The following PCDHA2 variants were observed in gnomAD, a reference collection of about 807,000 sequenced individuals.
PCDHA2 encodes protocadherin alpha 2, also known as protocadherin alpha-2.
Under a neutral mutation model 66.0 loss-of-function variants are expected in PCDHA2, and 58 were observed. That is an observed-to-expected ratio of 0.88 (90% CI 0.71 to 1.09). The LOEUF is 1.09. Among genes scored for constraint, PCDHA2 ranks in the 50% least tolerant of loss-of-function variants. The probability of loss-of-function intolerance (pLI) is 0.00; values close to 1 mark genes in which losing one functional copy is unlikely to be tolerated. For synonymous variants in PCDHA2, 634 were observed against 554.0 expected (o/e 1.14, Z -2.03); for missense variants, 1,267 against 1,242.3 (o/e 1.02, Z -0.30).
At chr5:140,846,639 G>C (rs1780602626) in intron 1 of PCDHA2, among the ~76,000 whole-genome samples, 2 of 149,172 alleles carry the variant, frequency 1.3e-5, no homozygotes, top group Non-Finnish European at 1.5e-5. Context: ...CTCCTAAAGT[G>C]CTGGGATTAC....
At chr5:140,906,709 GC>G (rs1228410148) in intron 1 of PCDHA2, among the ~76,000 whole-genome samples, 7 of 152,190 alleles carry the variant, frequency 4.6e-5, no homozygotes, top group African/African-American at 1.4e-4. Context: ...TTGTAGTCCT[GC>G]CTGGATTGTG....
At chr5:140,840,282 G>A (rs1294599981) in intron 1 of PCDHA2, among the ~76,000 whole-genome samples, 2 of 151,906 alleles carry the variant, frequency 1.3e-5, no homozygotes, top group Non-Finnish European at 2.9e-5. Flanking sequence ...TGGGTTTTGG[G>A]TGATTATTGA....
chr5:140,964,939 T>C (rs1230992301), intron 1 of PCDHA2, among the ~76,000 whole-genome samples: 1 of 152,182 alleles, frequency 6.6e-6, no homozygotes, highest in Non-Finnish European at 1.5e-5. Flanking sequence ...GGAGCATTGA[T>C]AGTGAGTGTG....
intron 1 of PCDHA2, chr5:140,868,773 G>T: frequency 3.8e-6 from 1 of 263,102 alleles, no homozygotes. Flanking sequence ...GTTTCAATAT[G>T]ACTTATAATC....
chr5:140,950,523 T>C (rs1289314937), intron 1 of PCDHA2, among the ~76,000 whole-genome samples: 2 of 152,094 alleles, frequency 1.3e-5, no homozygotes, highest in African/African-American at 4.8e-5. Flanking sequence ...TGCGATATGA[T>C]TGTTTTTGTT....
rs2098422926 is a variant in PCDHA2 at position 141,012,085 on chromosome 5, G to A, written c.*2148G>A. The A allele has an allele frequency of 1.3e-5, 2 of 153,740 alleles. No homozygotes were observed. Among genetic ancestry groups the A allele is most frequent in the Admixed American group, 1.3e-4 (2 of 15,280 alleles). 9.5% of individuals were successfully genotyped at this position (153,740 alleles called of 1,614,324 possible). A position where few individuals can be genotyped will look rare whatever the true frequency, so the allele number is the denominator to read the frequency against. ...ACATGTGAACCATTGCTACATTGTAGGTTGTGATCATTTTGCCCCACTGAA... is the reference window on the plus strand; with the variant it reads ...ACATGTGAACCATTGCTACATTGTAAGTTGTGATCATTTTGCCCCACTGAA... On this transcript the variant is annotated 3_prime_UTR_variant, in exon 4 of 4. Coordinates refer to ENST00000526136, the MANE Select transcript of PCDHA2 (RefSeq NM_018905.3).
At chr5:140,870,001 G>T in intron 1 of PCDHA2, 34 of 1,613,566 alleles carry the variant, frequency 2.1e-5, no homozygotes, top group Non-Finnish European at 2.9e-5. Context: ...AAATAATGGA[G>T]AAGTGAGGGT....
chr5:140,961,776 A>G (rs1554225585), intron 1 of PCDHA2, among the ~76,000 whole-genome samples: 1 of 152,188 alleles, frequency 6.6e-6, no homozygotes, highest in African/African-American at 2.4e-5. Flanking sequence ...ATCAAGCTTA[A>G]TGGCACTTTT....
chr5:140,836,231 C>T, intron 1 of PCDHA2: 3 of 1,613,742 alleles, frequency 1.9e-6, no homozygotes, highest in East Asian at 2.2e-5. Flanking sequence ...CGGTGGCGGC[C>T]GGTGCGAGCA....
At chr5:140,873,476 G>A (rs2054312814) in intron 1 of PCDHA2, among the ~76,000 whole-genome samples, 1 of 151,958 alleles carries the variant, frequency 6.6e-6, no homozygotes, top group African/African-American at 2.4e-5. Flanking sequence ...CAAATTACTT[G>A]GACTGATTTC....
At chr5:140,828,891 C>T (rs2150160213) in intron 1 of PCDHA2, 9 of 1,614,240 alleles carry the variant, frequency 5.6e-6, no homozygotes, top group Non-Finnish European at 7.6e-6. Context: ...CTGAATGCTT[C>T]TGATCGGGAT....
At chr5:140,968,776 A>C in intron 1 of PCDHA2, 1 of 1,614,200 alleles carries the variant, frequency 6.2e-7, no homozygotes, top group Non-Finnish European at 8.5e-7. Flanking sequence ...AGCCATCACT[A>C]TCAGCCTCTG....
chr5:140,855,626 T>C (rs1554147868), intron 1 of PCDHA2, among the ~76,000 whole-genome samples: 1 of 149,872 alleles, frequency 6.7e-6, no homozygotes, highest in Non-Finnish European at 1.5e-5. Context: ...CATTTTGAAA[T>C]TCGGCTATTG....
At chr5:140,934,013 A>G (rs2089566693) in intron 1 of PCDHA2, among the ~76,000 whole-genome samples, 1 of 151,836 alleles carries the variant, frequency 6.6e-6, no homozygotes. Context: ...TTTCTTGACT[A>G]GACTTGGAAG....
chr5:140,822,165 C>T (rs2150114223), intron 1 of PCDHA2: 3 of 1,614,238 alleles, frequency 1.9e-6, no homozygotes, highest in South Asian at 2.2e-5. Context: ...ACAATCCGCC[C>T]AGGTTCTCCA....
At chr5:140,883,759 G>A (rs1554179777) in intron 1 of PCDHA2, 1 of 1,612,704 alleles carries the variant, frequency 6.2e-7, no homozygotes, top group African/African-American at 1.3e-5. Context: ...TGGTGGAGCG[G>A]CGGGTGGGCG....
intron 3 of PCDHA2, among the ~76,000 whole-genome samples, chr5:140,999,235 T>C (rs1407252981): frequency 6.6e-6 from 1 of 152,154 alleles, no homozygotes; most frequent in Non-Finnish European, 1.5e-5. Context: ...GAATAGGTGG[T>C]TAAAGTGGGA....
At chr5:140,803,815 T>C (rs1763285750) in intron 1 of PCDHA2, 2 of 692,658 alleles carry the variant, frequency 2.9e-6, no homozygotes, top group Non-Finnish European at 4.7e-6. Flanking sequence ...TTTGTTTTGT[T>C]ATTAGGTGCA....
Position 140,969,539 on chromosome 5 carries a change from A to G in PCDHA2, c.2389-9410A>G, listed in dbSNP as rs551546462. ...GAATTGTTTTATTTTTCATTTTCAGAGGCATGAAGCCTTGTCCATAAAATT... is the reference window on the plus strand; with the variant it reads ...GAATTGTTTTATTTTTCATTTTCAGGGGCATGAAGCCTTGTCCATAAAATT... On this transcript the variant is annotated intron_variant, in intron 1 of 3. Transcript: ENST00000526136. The G allele has an allele frequency of 2.3e-6, 3 of 1,303,614 alleles. No individual in the cohort carries two copies. The Admixed American group carries it at 8.5e-5, about 37-fold the overall frequency. 80.8% of individuals were successfully genotyped at this position (1,303,614 alleles called of 1,614,324 possible).
Sources: gnomAD v4.1 joint callset for allele counts (sites outside exome capture counted in the v4.1 genomes callset) on GRCh38, gnomAD v4.1.1 for gene constraint, MANE v1.5 for transcripts, NCBI Gene and HGNC (gene_info 2026-07-23, HGNC 2026-07-21) for gene names.